Variants in COL11A1 observed in about 807,000 individuals in gnomAD.
COL11A1 encodes the protein collagen alpha-1(XI) chain.
COL11A1 carries 74 observed loss-of-function variants against 265.2 expected under a neutral mutation model. The ratio of observed to expected loss-of-function variants is 0.28; its 90% CI spans 0.23 to 0.34. The LOEUF is 0.34. Ranked by LOEUF, COL11A1 falls within the 10% of genes least tolerant of loss-of-function variation. COL11A1 has a pLI of 1.00. For synonymous variants in COL11A1, 816 were observed against 727.6 expected (o/e 1.12, Z -1.96); for missense variants, 2,165 against 2,263.6 (o/e 0.96, Z 0.88).
At chr1:103,019,550 G>T (rs1666830460) in intron 9 of COL11A1, among the ~76,000 whole-genome samples, 1 of 151,432 alleles carries the variant, frequency 6.6e-6, no homozygotes, top group African/African-American at 2.4e-5. Flanking sequence ...GTAATGAGTA[G>T]ATGGCCAACA....
intron 11 of COL11A1, 115 bp downstream of exon 11, chr1:103,017,705 G>A (rs908431501): frequency 2.3e-6 from 2 of 881,336 alleles, no homozygotes; most frequent in Non-Finnish European, 3.8e-6. Context: ...AATTCATGCT[G>A]CCTTTACCCC....
At chr1:103,103,592 C>T (rs138956950) in intron 1 of COL11A1, among the ~76,000 whole-genome samples, 1 of 151,904 alleles carries the variant, frequency 6.6e-6, no homozygotes, top group East Asian at 1.9e-4. Context: ...GACATTTTCA[C>T]TATATCTACC....
chr1:102,999,678 C>CA (rs1422127350), intron 24 of COL11A1, among the ~76,000 whole-genome samples: 8 of 151,574 alleles, frequency 5.3e-5, no homozygotes, highest in South Asian at 2.1e-4. Context: ...TAAGTTAGTA[C>CA]AAAAAATTGC....
chr1:102,996,231 C>A (rs930449163), intron 26 of COL11A1, among the ~76,000 whole-genome samples, 189 bp from the exon 27 acceptor site: 1 of 152,010 alleles, frequency 6.6e-6, no homozygotes, highest in African/African-American at 2.4e-5. Flanking sequence ...GTAACTAGCA[C>A]TACTCACTCC....
At chr1:103,096,329 C>T (rs761628177) in intron 1 of COL11A1, among the ~76,000 whole-genome samples, 1 of 151,772 alleles carries the variant, frequency 6.6e-6, no homozygotes, top group African/African-American at 2.4e-5. Context: ...GAAAGTGGAG[C>T]AGATAGGAGT....
At chr1:102,991,500 A>T (rs1488667412) in intron 28 of COL11A1, among the ~76,000 whole-genome samples, 1 of 151,716 alleles carries the variant, frequency 6.6e-6, no homozygotes, top group East Asian at 1.9e-4. Context: ...CCTAAAATTA[A>T]CCTCTCCATC....
intron 1 of COL11A1, among the ~76,000 whole-genome samples, chr1:103,105,895 T>A (rs192714189): frequency 6.6e-6 from 1 of 152,082 alleles, no homozygotes; most frequent in African/African-American, 2.4e-5. Flanking sequence ...CCAGGAAAAA[T>A]GAGCACTAAA....
intron 16 of COL11A1, 69 bp downstream of exon 16, chr1:103,006,193 A>ATAAATAAATAAAT (rs1553232748): frequency 9.1e-6 from 12 of 1,314,010 alleles, no homozygotes; most frequent in Non-Finnish European, 1.2e-5. Flanking sequence ...AAATAAATAA[A>ATAAATAAATAAAT]TAAATAAATA....
chr1:103,001,289 G>GT (rs201091643), intron 24 of COL11A1: 9 of 396,242 alleles, frequency 2.3e-5, no homozygotes, highest in Admixed American at 8.8e-5. Flanking sequence ...AAAGCTATTA[G>GT]TTTTTTTTAA....
At chr1:102,878,475 C>CATATATGTATATATATAT (rs1649792330) in intron 66 of COL11A1, among the ~76,000 whole-genome samples, 1 of 49,862 alleles carries the variant, frequency 2.0e-5, no homozygotes, top group Non-Finnish European at 4.4e-5. Flanking sequence ...ATTGAATCCT[C>CATATATGTATATATATAT]ATATATATAT....
At chr1:103,037,552 C>G (rs918404343) in intron 4 of COL11A1, among the ~76,000 whole-genome samples, 1 of 152,062 alleles carries the variant, frequency 6.6e-6, no homozygotes, top group Admixed American at 6.6e-5. Flanking sequence ...AATAATGTGA[C>G]TTGTAGATGG....
chr1:103,078,649 G>T lies in COL11A1; in HGVS notation c.488+9C>A, dbSNP rs1217317477. On this transcript the variant is annotated intron_variant, in intron 3 of 66. Coordinates refer to ENST00000370096, the MANE Select transcript of COL11A1 (RefSeq NM_001854.4). ...CATAGCTAAAACATTGTATTATTTT[G>T]TTACTTACTTCCCGTCAGCGATGTT... The T allele has an allele frequency of 1.9e-6, 3 of 1,610,426 alleles. No homozygotes were observed. Among genetic ancestry groups the T allele is most frequent in the Non-Finnish European group, 2.5e-6 (3 of 1,177,018 alleles).
rs762593527 is a variant in COL11A1, at chr1:103,026,292, C to T, written c.821G>A (p.Gly274Glu). 6.2e-7 allele frequency: 1 copy of T among 1,613,474 alleles called. No homozygotes were observed. The highest frequency in any genetic ancestry group is 8.5e-7 in the Non-Finnish European group (1 of 1,179,594). The change falls in exon 6 of 67, where the codon GGG becomes GAG. Residue 274 changes from glycine (G) to glutamate (E), a missense_variant. Physicochemically the swap from Gly to Glu is moderately conservative, Grantham distance 98. Transcript: ENST00000370096. ...TTCAGCCTCTTTATACTCTGCTTCC[C>T]CATACTCATAGTCATATTCGATTAT... ...EDIIEYDYEYGEAEYKEAESV... is the reference protein window; with the variant it reads ...EDIIEYDYEYEEAEYKEAESV...
At chr1:102,942,077 C>T (rs1658781600) in intron 42 of COL11A1, among the ~76,000 whole-genome samples, 1 of 151,984 alleles carries the variant, frequency 6.6e-6, no homozygotes, top group Non-Finnish European at 1.5e-5. Context: ...AGAAGGATGC[C>T]CCTGATGTCA....
chr1:103,090,354 A>G (rs904195621), intron 1 of COL11A1, among the ~76,000 whole-genome samples: 1 of 152,140 alleles, frequency 6.6e-6, no homozygotes, highest in Non-Finnish European at 1.5e-5. Context: ...CAGTATTGCT[A>G]CTATGAGCAT....
chr1:102,940,015 AT>A (rs1252135686), intron 43 of COL11A1, among the ~76,000 whole-genome samples: 1 of 152,048 alleles, frequency 6.6e-6, no homozygotes, highest in African/African-American at 2.4e-5. Flanking sequence ...CATGTAATTA[AT>A]TTTTTTATTT....
chr1:102,984,349 C>T (rs530402737), intron 30 of COL11A1, among the ~76,000 whole-genome samples, 158 bp from the exon 31 acceptor site: 45 of 151,890 alleles, frequency 3.0e-4, no homozygotes, highest in South Asian at 1.2e-3. Context: ...TATTTCTTCA[C>T]GTGAATAAGA....
At chr1:102,986,652 T>G (rs1570949834) in intron 30 of COL11A1, among the ~76,000 whole-genome samples, 1 of 152,186 alleles carries the variant, frequency 6.6e-6, no homozygotes, top group Non-Finnish European at 1.5e-5. Flanking sequence ...ATTACTGATA[T>G]TTTGCTTTAG....
chr1:102,916,362 C>G (rs1461420487), intron 49 of COL11A1, among the ~76,000 whole-genome samples: 1 of 152,016 alleles, frequency 6.6e-6, no homozygotes, highest in Non-Finnish European at 1.5e-5. Context: ...AAGTCTGTTG[C>G]TAATGCCCCA....
Sources: allele counts gnomAD v4.1 joint callset (sites outside exome capture counted in the v4.1 genomes callset), GRCh38; gene constraint gnomAD v4.1.1; transcripts MANE v1.5; gene names NCBI Gene and HGNC (gene_info 2026-07-23, HGNC 2026-07-21).